The following BLTP3A variants were observed in gnomAD, a reference collection of about 807,000 sequenced individuals.
The protein encoded by BLTP3A is ICBP90 binding protein 1.
chr6:34,813,161 A>G, the BLTP3A span, among the ~76,000 whole-genome samples: 2 of 152,212 alleles, frequency 1.3e-5, no homozygotes, highest in African/African-American at 4.8e-5. Context: ...ATTATTCCCA[A>G]TAAAGATGCT....
chr6:34,855,231 C>T, the BLTP3A span, among the ~76,000 whole-genome samples: 9 of 152,132 alleles, frequency 5.9e-5, no homozygotes, highest in Non-Finnish European at 7.3e-5. Flanking sequence ...AATCTGGCTT[C>T]TGCCTCTTCG....
chr6:34,852,250 C>T, the BLTP3A span, among the ~76,000 whole-genome samples: 1 of 152,164 alleles, frequency 6.6e-6, no homozygotes, highest in Non-Finnish European at 1.5e-5. Flanking sequence ...GAAGCCAGCA[C>T]AGCCCGGGGT....
the BLTP3A span, among the ~76,000 whole-genome samples, chr6:34,823,911 A>G: frequency 2.0e-5 from 3 of 151,594 alleles, no homozygotes; most frequent in African/African-American, 4.8e-5. Context: ...AGTACTTGAA[A>G]GCAAATCTCA....
chr6:34,798,594 C>CTTTCTTTTTT, the BLTP3A span, among the ~76,000 whole-genome samples: 1 of 94,500 alleles, frequency 1.1e-5, no homozygotes, highest in Admixed American at 1.1e-4. Flanking sequence ...TTCTTTCTTT[C>CTTTCTTTTTT]TTTTTTTTTT....
At chr6:34,860,312 C>T in the BLTP3A span, among the ~76,000 whole-genome samples, 2 of 152,060 alleles carry the variant, frequency 1.3e-5, no homozygotes, top group East Asian at 1.9e-4. Flanking sequence ...CACAGTGAGA[C>T]GAGTGGAAAA....
chr6:34,849,025 G>A, the BLTP3A span, among the ~76,000 whole-genome samples: 1 of 136,004 alleles, frequency 7.4e-6, no homozygotes. Context: ...TAGAGACAAA[G>A]TCTTGCTCTG....
At chr6:34,805,281 A>C in the BLTP3A span, among the ~76,000 whole-genome samples, 1 of 131,002 alleles carries the variant, frequency 7.6e-6, no homozygotes, top group South Asian at 2.7e-4. Context: ...ATCATGACTC[A>C]AAAAAAAAAT....
chr6:34,804,041 A>G, the BLTP3A span, among the ~76,000 whole-genome samples: 2 of 152,276 alleles, frequency 1.3e-5, no homozygotes, highest in Non-Finnish European at 2.9e-5. Flanking sequence ...CTGGCAGTAT[A>G]TAGTAGTATG....
chr6:34,843,129 A>G, the BLTP3A span, among the ~76,000 whole-genome samples: 1 of 152,026 alleles, frequency 6.6e-6, no homozygotes, highest in Admixed American at 6.5e-5. Context: ...GACTATAGGC[A>G]TGTGTCACCA....
At chr6:34,845,882 C>G in the BLTP3A span, among the ~76,000 whole-genome samples, 43 of 152,088 alleles carry the variant, frequency 2.8e-4, no homozygotes, top group South Asian at 1.2e-3. Flanking sequence ...CAGGCGTGAG[C>G]CACCGCGCCC....
chr6:34,818,161 T>A, the BLTP3A span, among the ~76,000 whole-genome samples: 1 of 152,100 alleles, frequency 6.6e-6, no homozygotes, highest in Non-Finnish European at 1.5e-5. Flanking sequence ...CCCGGCCAGA[T>A]GTGTAGGATT....
the BLTP3A span, chr6:34,871,796 G>A: frequency 1.2e-6 from 2 of 1,613,094 alleles, no homozygotes; most frequent in Non-Finnish European, 1.7e-6. Context: ...TTGTCACTTA[G>A]AACCTTTACT....
the BLTP3A span, among the ~76,000 whole-genome samples, chr6:34,840,989 C>T: frequency 3.9e-5 from 6 of 151,994 alleles, no homozygotes; most frequent in South Asian, 2.1e-4. Flanking sequence ...TTGTTGTTGT[C>T]GTTGTTGCTT....
At chr6:34,861,888 T>C in the BLTP3A span, among the ~76,000 whole-genome samples, 1 of 152,208 alleles carries the variant, frequency 6.6e-6, no homozygotes, top group Non-Finnish European at 1.5e-5. Context: ...CCTGGCTGAA[T>C]ACATGATTTT....
At chr6:34,817,961 C>G in the BLTP3A span, among the ~76,000 whole-genome samples, 1 of 151,950 alleles carries the variant, frequency 6.6e-6, no homozygotes, top group African/African-American at 2.4e-5. Context: ...TCACGCCATT[C>G]TCCTGCCTCA....
At chr6:34,864,160 G>T in the BLTP3A span, 2 of 1,613,986 alleles carry the variant, frequency 1.2e-6, no homozygotes, top group Admixed American at 1.7e-5. Flanking sequence ...TCAGTGGACA[G>T]TGATGGCAGT....
chr6:34,792,467 C>CGCCCACCGTT, the BLTP3A span, among the ~76,000 whole-genome samples: 2 of 152,190 alleles, frequency 1.3e-5, no homozygotes, highest in Non-Finnish European at 2.9e-5. Flanking sequence ...CGCCCGCCGG[C>CGCCCACCGTT]GCCCACCGTT....
At chr6:34,826,686 G>GT in the BLTP3A span, among the ~76,000 whole-genome samples, 2 of 151,882 alleles carry the variant, frequency 1.3e-5, no homozygotes, top group South Asian at 2.1e-4. Flanking sequence ...CTTTATACAT[G>GT]TTTTTTTTGT....
At chr6:34,860,027 C>T in the BLTP3A span, among the ~76,000 whole-genome samples, 4 of 152,108 alleles carry the variant, frequency 2.6e-5, no homozygotes, top group African/African-American at 9.7e-5. Flanking sequence ...CCACAGCAGC[C>T]TGGTAAGGTG....
Sources: gnomAD v4.1 joint callset for allele counts (sites outside exome capture counted in the v4.1 genomes callset) on GRCh38, gnomAD v4.1.1 for gene constraint, MANE v1.5 for transcripts, NCBI Gene and HGNC (gene_info 2026-07-23, HGNC 2026-07-21) for gene names.